GIN1: variants seen among roughly 807,000 people sequenced by gnomAD.
GIN1 encodes the protein gypsy retrotransposon integrase-like protein 1.
A neutral mutation model predicts 51.4 loss-of-function variants in GIN1; 41 were observed. The observed-to-expected ratio is 0.80, with a 90% CI of 0.62 to 1.04. The LOEUF is 1.04. Among genes scored for constraint, GIN1 ranks in the 50% least tolerant of loss-of-function variants. GIN1 has a pLI of 0.00. For synonymous variants in GIN1, 222 were observed against 206.5 expected, an observed-to-expected ratio of 1.07 and a Z score of -0.64; for missense variants, 610 against 612.4, an observed-to-expected ratio of 1.00 and a Z score of 0.04.
At chr5:103,093,183 T>C (rs1787303337) in intron 7 of GIN1, among the ~76,000 whole-genome samples, 1 of 152,124 alleles carries the variant, frequency 6.6e-6, no homozygotes, top group Admixed American at 6.5e-5. Flanking sequence ...TATGTAATCT[T>C]ACATGGTGAA....
intron 4 of GIN1, among the ~76,000 whole-genome samples, chr5:103,098,630 T>A (rs1159668778): frequency 6.6e-6 from 1 of 152,052 alleles, no homozygotes; most frequent in African/African-American, 2.4e-5. Flanking sequence ...ACCTAATTTT[T>A]AAATATTTTG....
intron 1 of GIN1, 113 bp from the exon 2 acceptor site, chr5:103,108,827 T>C: frequency 1.4e-6 from 1 of 695,162 alleles, no homozygotes. Context: ...ATTCCCAGAA[T>C]TTATTTGTGA....
intron 1 of GIN1, among the ~76,000 whole-genome samples, chr5:103,115,888 C>T (rs970870910): frequency 4.6e-5 from 7 of 152,070 alleles, no homozygotes; most frequent in South Asian, 2.1e-4. Context: ...TAGAGGGATT[C>T]GTCCTGTGAT....
chr5:103,110,167 C>A (rs1198347928), intron 1 of GIN1, among the ~76,000 whole-genome samples: 2 of 151,052 alleles, frequency 1.3e-5, no homozygotes, highest in Non-Finnish European at 2.9e-5. Context: ...TCTTTCAAAT[C>A]TTAGGCTAAG....
chr5:103,089,613 T>C (rs1344351196), intron 7 of GIN1, among the ~76,000 whole-genome samples: 1 of 152,138 alleles, frequency 6.6e-6, no homozygotes, highest in African/African-American at 2.4e-5. Flanking sequence ...CATGTCACTA[T>C]GCCTGGCTAA....
chr5:103,097,591 A>G lies in GIN1; in HGVS notation c.830T>C (p.Leu277Ser), dbSNP rs1787441725. ...ACAGAATTATAAAAAGGCACATACC[A>G]AGTGAGTTACATTGAAGGCAAATGA... ...AVSFAFNVTH[L>S]EPTKNTPYFQ... Residue 277 changes from leucine to serine, a missense_variant and splice_region_variant, in exon 5 of 8, where the codon TTG (leucine) becomes TCG (serine). Physicochemically the swap from Leu to Ser is moderately radical, Grantham distance 145. Coordinates refer to ENST00000399004, the MANE Select transcript of GIN1 (RefSeq NM_017676.2). 3 of 1,592,174 alleles carry G rather than the reference A, an allele frequency of 1.9e-6. No individual in the cohort carries two copies. The African/African-American group carries it at 4.0e-5, about 21-fold the overall frequency.
rs373554941 is a variant in GIN1 at position 103,096,929 on chromosome 5, G to A, written c.1009-103C>T. The A allele has an allele frequency of 3.3e-4, 231 of 703,390 alleles. No individual in the cohort carries two copies. In the South Asian group the frequency reaches 3.4e-3, roughly 10 times the overall value. The allele number at this position is 703,390 out of a possible 1,614,324, so 43.6% of individuals were successfully genotyped here. ...ATTGTAACAAAATGGTACTTGAGAT[G>A]CTACTAAAAGGTAGGTATGAATTCT... On this transcript the variant is annotated intron_variant, in intron 6 of 7. Coordinates refer to ENST00000399004, the MANE Select transcript of GIN1 (RefSeq NM_017676.2).
chr5:103,098,888 A>C (rs1434003997), intron 4 of GIN1, among the ~76,000 whole-genome samples: 3 of 152,196 alleles, frequency 2.0e-5, no homozygotes, highest in Non-Finnish European at 4.4e-5. Context: ...TATAACTACT[A>C]TTATTGGTGT....
intron 6 of GIN1, 76 bp downstream of exon 6, chr5:103,097,238 T>G: frequency 1.2e-6 from 1 of 842,040 alleles, no homozygotes; most frequent in Non-Finnish European, 1.9e-6. Context: ...TGCACACATG[T>G]ATATGCTGAA....
intron 7 of GIN1, among the ~76,000 whole-genome samples, chr5:103,094,377 A>G (rs987381553): frequency 1.3e-5 from 2 of 152,178 alleles, no homozygotes; most frequent in African/African-American, 2.4e-5. Flanking sequence ...AGACTCATCT[A>G]ATTAGTCTTA....
intron 4 of GIN1, among the ~76,000 whole-genome samples, chr5:103,099,688 T>C (rs1787515436): frequency 6.6e-6 from 1 of 152,182 alleles, no homozygotes; most frequent in Non-Finnish European, 1.5e-5. Flanking sequence ...AACCAGATAT[T>C]CCGTCAGTTC....
At chr5:103,105,829 C>T (rs1206150710) in intron 3 of GIN1, among the ~76,000 whole-genome samples, 1 of 152,140 alleles carries the variant, frequency 6.6e-6, no homozygotes, top group Non-Finnish European at 1.5e-5. Context: ...TCACAAATAA[C>T]TTCTGATTAT....
chr5:103,090,477 A>G (rs1787206696), intron 7 of GIN1, among the ~76,000 whole-genome samples: 1 of 152,236 alleles, frequency 6.6e-6, no homozygotes, highest in Non-Finnish European at 1.5e-5. Context: ...AGAGAACATT[A>G]AAAGGTTAGA....
At chr5:103,092,284 C>T (rs1440254955) in intron 7 of GIN1, among the ~76,000 whole-genome samples, 1 of 152,042 alleles carries the variant, frequency 6.6e-6, no homozygotes, top group Admixed American at 6.6e-5. Context: ...GGATTACAGG[C>T]ATAAGCCACT....
rs1037108916 is a variant in GIN1 at position 103,096,297 on chromosome 5, G to A, written c.1294+244C>T. ...AGAGGTTGCAGTGAGCCAAGATCGC[G>A]CCATTGCACTCCAGCTTGGGCAGAA... On this transcript the variant is annotated intron_variant, in intron 7 of 7. Coordinates refer to ENST00000399004, the MANE Select transcript of GIN1 (RefSeq NM_017676.2). 2.6e-5 allele frequency among the ~76,000 whole-genome samples: 4 copies of A among 151,990 alleles called. 1 individual carries two copies. Among genetic ancestry groups the A allele is most frequent in the Non-Finnish European group, 5.9e-5 (4 of 67,990 alleles).
rs116710642 is a variant in GIN1 at position 103,116,952 on chromosome 5, T to C, written c.-8+3112A>G. The stretch of plus-strand genomic sequence containing the variant: ...CCAAGGATGCTCTTACTGGTGATAA[T>C]AGAAAATGATGTAAACATGTTGGAA... On this transcript the variant is annotated intron_variant, in intron 1 of 7. Coordinates refer to ENST00000399004, the MANE Select transcript of GIN1 (RefSeq NM_017676.2). Among the ~76,000 whole-genome samples, 663 of 152,204 alleles carry C rather than the reference T, an allele frequency of 4.4e-3. 4 individuals are homozygous for C. The highest frequency in any genetic ancestry group is 0.02 in the Middle Eastern group (6 of 294).
intron 1 of GIN1, among the ~76,000 whole-genome samples, chr5:103,119,079 T>C (rs1320359535): frequency 1.3e-5 from 2 of 152,204 alleles, no homozygotes; most frequent in Non-Finnish European, 2.9e-5. Flanking sequence ...GTCCCCTCCA[T>C]AAAAGCAAAT....
chr5:103,099,251 G>T (rs1453437008), intron 4 of GIN1, among the ~76,000 whole-genome samples: 1 of 152,018 alleles, frequency 6.6e-6, no homozygotes, highest in African/African-American at 2.4e-5. Flanking sequence ...AGCTTTGTTT[G>T]CCCAACACTC....
At chr5:103,098,755 G>A (rs552157159) in intron 4 of GIN1, among the ~76,000 whole-genome samples, 37 of 152,178 alleles carry the variant, frequency 2.4e-4, no homozygotes, top group African/African-American at 7.5e-4. Flanking sequence ...CACTGTACCC[G>A]GCCCTCAAGT....
Sources: gnomAD v4.1 joint callset for allele counts (sites outside exome capture counted in the v4.1 genomes callset) on GRCh38, gnomAD v4.1.1 for gene constraint, MANE v1.5 for transcripts, NCBI Gene and HGNC (gene_info 2026-07-23, HGNC 2026-07-21) for gene names.